PRDM1: variants seen among roughly 807,000 people sequenced by gnomAD.
PRDM1 encodes PR domain zinc finger protein 1.
Under a neutral mutation model 62.8 loss-of-function variants are expected in PRDM1, and 13 were observed. The ratio of observed to expected loss-of-function variants is 0.21; its 90% CI spans 0.13 to 0.33. The LOEUF (loss-of-function observed/expected upper bound fraction) is 0.33, where lower values mean the gene tolerates loss of function less well. Among genes scored for constraint, PRDM1 ranks in the 10% least tolerant of loss-of-function variants. The pLI is 1.00. For synonymous variants in PRDM1, 396 were observed against 417.6 expected, an observed-to-expected ratio of 0.95 and a Z score of 0.63; for missense variants, 895 against 1,058.8, an observed-to-expected ratio of 0.85 and a Z score of 2.15.
intron 1 of PRDM1, among the ~76,000 whole-genome samples, chr6:106,075,207 C>G (rs1469614163): frequency 3.9e-5 from 6 of 152,202 alleles, no homozygotes; most frequent in African/African-American, 1.4e-4. Context: ...TTCTCTAAGA[C>G]TGTGTTTTTA....
At chr6:106,035,025 C>T (rs1467958710) in intron 1 of PRDM1, among the ~76,000 whole-genome samples, 2 of 152,140 alleles carry the variant, frequency 1.3e-5, no homozygotes, top group African/African-American at 4.8e-5. Flanking sequence ...ATTGTTATTG[C>T]ATAGAATGTC....
At chr6:106,034,037 CA>C (rs1477349257) in intron 1 of PRDM1, among the ~76,000 whole-genome samples, 2 of 152,146 alleles carry the variant, frequency 1.3e-5, no homozygotes, top group African/African-American at 4.8e-5. Flanking sequence ...AATCTGTTAG[CA>C]TACAAATATT....
At chr6:106,013,417 T>C (rs1772581591) in intron 1 of PRDM1, among the ~76,000 whole-genome samples, 1 of 146,398 alleles carries the variant, frequency 6.8e-6, no homozygotes, top group Non-Finnish European at 1.5e-5. Flanking sequence ...AACCTCCACC[T>C]CCCGGGTTCA....
At chr6:105,992,927 T>C (rs1196034717), upstream of PRDM1, among the ~76,000 whole-genome samples, 3 of 152,218 alleles carry the variant, frequency 2.0e-5, no homozygotes, top group Non-Finnish European at 2.9e-5. Context: ...CAGTTCTCTC[T>C]GGTTTGTTTG....
intron 1 of PRDM1, among the ~76,000 whole-genome samples, chr6:106,068,965 C>T (rs893092501): frequency 6.6e-6 from 1 of 152,128 alleles, no homozygotes; most frequent in Admixed American, 6.6e-5. Context: ...TATCATTCAC[C>T]CATCTTTGTG....
intron 1 of PRDM1, among the ~76,000 whole-genome samples, chr6:106,021,650 C>T (rs1410185425): frequency 6.6e-6 from 1 of 152,210 alleles, no homozygotes; most frequent in Non-Finnish European, 1.5e-5. Context: ...GACAGAGTTT[C>T]ACTCTTGTTG....
upstream of PRDM1, among the ~76,000 whole-genome samples, chr6:106,047,131 A>T (rs892943119): frequency 1.3e-5 from 2 of 152,244 alleles, no homozygotes; most frequent in Non-Finnish European, 2.9e-5. Context: ...CTGTAGTCAT[A>T]TTGTACCCAT....
intron 1 of PRDM1, among the ~76,000 whole-genome samples, chr6:106,008,002 C>T (rs1772502720): frequency 6.6e-6 from 1 of 152,172 alleles, no homozygotes; most frequent in Non-Finnish European, 1.5e-5. Flanking sequence ...TCTCCAGAAC[C>T]TCTAATGGCT....
At chr6:106,002,555 A>G (rs6923991) in intron 1 of PRDM1, among the ~76,000 whole-genome samples, 138,610 of 152,258 alleles carry the variant, frequency 0.91, 63,213 homozygotes, top group African/African-American at 0.96. Flanking sequence ...GTACAAAGAT[A>G]TCTAACTCTT....
chr6:106,087,772 C>T (rs1002616981), intron 1 of PRDM1: 23 of 233,826 alleles, frequency 9.8e-5, no homozygotes, highest in African/African-American at 5.1e-4. Context: ...GCAGACAGAG[C>T]TCCTTCCTCT....
rs2114665499 is a variant in PRDM1, at chr6:106,107,430, C to A, written c.2422C>A (p.Leu808Ile). The A allele has an allele frequency of 6.2e-7, 1 of 1,614,120 alleles. No homozygotes were observed. Among genetic ancestry groups the A allele is most frequent in the Non-Finnish European group, 8.5e-7 (1 of 1,180,012 alleles). ...CATGAAGTTGCCTCCCAGCAACCCACTACCTCTGGTACCTGTAAAGGTCAA... is the reference window on the plus strand; with the variant it reads ...CATGAAGTTGCCTCCCAGCAACCCAATACCTCTGGTACCTGTAAAGGTCAA... ...PLMKLPPSNP[L>I]PLVPVKVKQE... The change falls in exon 7 of 7, where the codon CTA becomes ATA. Residue 808 changes from leucine (L) to isoleucine (I), a missense_variant. Physicochemically the swap from Leu to Ile is conservative, Grantham distance 5. Transcript: ENST00000369096.
At chr6:106,031,426 T>C (rs1051581616) in intron 1 of PRDM1, among the ~76,000 whole-genome samples, 16 of 152,198 alleles carry the variant, frequency 1.1e-4, no homozygotes, top group African/African-American at 3.6e-4. Context: ...CACGGCCTCC[T>C]TTTAATACTC....
At chr6:106,045,140 T>C (rs1773053806), upstream of PRDM1, among the ~76,000 whole-genome samples, 1 of 152,246 alleles carries the variant, frequency 6.6e-6, no homozygotes, top group Admixed American at 6.5e-5. Context: ...CTCATCCATC[T>C]TTCCAAGGTT....
chr6:106,103,214 G>T (rs540835437), intron 4 of PRDM1, among the ~76,000 whole-genome samples: 3 of 152,024 alleles, frequency 2.0e-5, no homozygotes, highest in Admixed American at 6.6e-5. Context: ...ACTGATAACC[G>T]CTGGCAGGAG....
intron 1 of PRDM1, 140 bp from the exon 2 acceptor site, chr6:106,088,061 C>T (rs1340065): frequency 0.77 from 706,453 of 920,270 alleles, 270,235 homozygotes; most frequent in East Asian, 0.98. Flanking sequence ...TATACGGCTT[C>T]TTGGCTCTTT....
intron 1 of PRDM1, among the ~76,000 whole-genome samples, chr6:106,022,230 A>T (rs1772704665): frequency 2.6e-5 from 4 of 152,212 alleles, no homozygotes; most frequent in Admixed American, 2.0e-4. Context: ...ACTAAGTGGA[A>T]TACTTAAAAA....
At chr6:106,034,187 T>TATCTTTTAAGAACTAGTGTTTTTGGTC (rs1255329686) in intron 1 of PRDM1, among the ~76,000 whole-genome samples, 2 of 152,162 alleles carry the variant, frequency 1.3e-5, no homozygotes, top group Non-Finnish European at 1.5e-5. Flanking sequence ...CTTTTTTGGT[T>TATCTTTTAAGAACTAGTGTTTTTGGTC]ATCTTTTAAG....
At chr6:105,993,303 C>T (rs985856591), upstream of PRDM1, among the ~76,000 whole-genome samples, 1 of 152,170 alleles carries the variant, frequency 6.6e-6, no homozygotes. Context: ...AAATCCACCA[C>T]GAAACAAAAG....
At position 106,106,800 on chromosome 6, in the gene PRDM1, C is replaced by T. The variant is rs936025555; in HGVS notation, c.1903-111C>T. ...GGAGGTGCCACAAGGAGGCTTCTCA[C>T]CTCCTAGGTTGCTGGGCGTTGGCCG... On this transcript the variant is annotated intron_variant, in intron 6 of 6. Coordinates refer to ENST00000369096, the MANE Select transcript of PRDM1 (RefSeq NM_001198.4). The surrounding 1 kb of genome is among the most constrained non-coding windows in gnomAD (Gnocchi z 4.4). 2.5e-5 allele frequency: 32 copies of T among 1,255,812 alleles called. No homozygotes were observed. Among genetic ancestry groups the T allele is most frequent in the Non-Finnish European group, 3.4e-5 (31 of 903,738 alleles). The allele number at this position is 1,255,812 out of a possible 1,614,324, so 77.8% of individuals were successfully genotyped here.
Sources: gnomAD v4.1 joint callset for allele counts (sites outside exome capture counted in the v4.1 genomes callset) on GRCh38, gnomAD v4.1.1 for gene constraint, Gnocchi (gnomAD v3.1) non-coding constraint, MANE v1.5 for transcripts, NCBI Gene and HGNC (gene_info 2026-07-23, HGNC 2026-07-21) for gene names.